Variants in ADGRV1 observed in about 807,000 individuals in gnomAD.
ADGRV1 encodes the protein adhesion G protein-coupled receptor V1, also known as G-protein coupled receptor 98.
ADGRV1 carries 359 observed loss-of-function variants against 596.2 expected under a neutral mutation model. The observed-to-expected ratio is 0.60, with a 90% CI of 0.55 to 0.66. The LOEUF is 0.66. Ranked by LOEUF, ADGRV1 falls within the 30% of genes least tolerant of loss-of-function variation. ADGRV1 has a pLI of 0.00. For synonymous variants in ADGRV1, 2,681 were observed against 2,679.2 expected (o/e 1.00, Z -0.02); for missense variants, 7,274 against 7,575.6 (o/e 0.96, Z 1.48).
At chr5:90,812,367 C>A (rs1762518588) in intron 74 of ADGRV1, among the ~76,000 whole-genome samples, 1 of 152,074 alleles carries the variant, frequency 6.6e-6, no homozygotes, top group Non-Finnish European at 1.5e-5. Flanking sequence ...TATAATTGTA[C>A]ATATTTAGAG....
chr5:90,824,596 C>T (rs563456821), intron 76 of ADGRV1, among the ~76,000 whole-genome samples: 1 of 152,194 alleles, frequency 6.6e-6, no homozygotes, highest in African/African-American at 2.4e-5. Context: ...AACTTTCTGT[C>T]ACACTGACAA....
chr5:90,652,397 C>G lies in ADGRV1; in HGVS notation c.3468C>G (p.Leu1156=). The G allele has an allele frequency of 1.2e-6, 2 of 1,610,986 alleles. No individual in the cohort carries two copies. Among genetic ancestry groups the G allele is most frequent in the East Asian group, 2.2e-5 (1 of 44,810 alleles). The change falls in exon 19 of 90, where the codon CTC becomes CTG. Residue 1156 remains leucine, a synonymous_variant. Transcript: ENST00000405460. ...YFGSVSVSWQ[L]FQNDSALQPG... is the part of the protein sequence containing the mutation. ...GTAGTGTTTCTGTATCTTGGCAGCT[C>G]TTTCAGAATGATTCTGCTTTGCAGC...
At chr5:91,012,809 A>G (rs79001624) in intron 85 of ADGRV1, among the ~76,000 whole-genome samples, 2,203 of 151,998 alleles carry the variant, frequency 0.014, 50 homozygotes, top group African/African-American at 0.051. Context: ...GGGTTGTTTT[A>G]CATATTATTT....
intron 85 of ADGRV1, among the ~76,000 whole-genome samples, chr5:91,070,582 A>G (rs1488073254): frequency 6.6e-6 from 1 of 152,170 alleles, no homozygotes. Context: ...GATATTGAGA[A>G]CCTGTTTAAC....
intron 83 of ADGRV1, among the ~76,000 whole-genome samples, chr5:90,938,621 G>A (rs2150848820): frequency 1.3e-5 from 2 of 152,200 alleles, no homozygotes; most frequent in Admixed American, 1.3e-4. Flanking sequence ...ATATTTTATT[G>A]AGCACCTATT....
chr5:90,929,615 G>A (rs548045737), intron 83 of ADGRV1: 17 of 153,660 alleles, frequency 1.1e-4, no homozygotes, highest in African/African-American at 3.8e-4. Flanking sequence ...GCTGGGAGCT[G>A]TAGACCGGAG....
intron 11 of ADGRV1, among the ~76,000 whole-genome samples, chr5:90,638,662 T>G (rs1269235201): frequency 1.3e-5 from 2 of 152,090 alleles, no homozygotes; most frequent in Admixed American, 1.3e-4. Flanking sequence ...TATATGAAAG[T>G]TGATTCATAT....
At chr5:90,622,318 C>T (rs540819912) in intron 4 of ADGRV1, among the ~76,000 whole-genome samples, 1 of 152,284 alleles carries the variant, frequency 6.6e-6, no homozygotes, top group East Asian at 1.9e-4. Flanking sequence ...ACTAAAAAAC[C>T]TTTAAATTCC....
intron 10 of ADGRV1, among the ~76,000 whole-genome samples, chr5:90,635,680 C>T (rs1486134144): frequency 6.6e-6 from 1 of 151,858 alleles, no homozygotes; most frequent in Non-Finnish European, 1.5e-5. Context: ...GCAACCTCTG[C>T]CCCGGGCTCA....
Position 91,004,771 on chromosome 5 carries a change from A to G in ADGRV1, c.18152+19249A>G, listed in dbSNP as rs966625649. ...CTGGGGCTTCAGGGGGAGAATGGCC[A>G]TGATGGTTAGGAGGATGTCATATGC... On this transcript the variant is annotated intron_variant, in intron 85 of 89. Transcript: ENST00000405460. 3.3e-5 allele frequency among the ~76,000 whole-genome samples: 5 copies of G among 152,344 alleles called. No homozygotes were observed. In the South Asian group the frequency reaches 6.2e-4, roughly 19 times the overall value.
chr5:90,628,339 GAAGT>G (rs1379885793), intron 7 of ADGRV1, among the ~76,000 whole-genome samples: 5 of 152,194 alleles, frequency 3.3e-5, no homozygotes, highest in Non-Finnish European at 7.3e-5. Flanking sequence ...CTGAGTCCAT[GAAGT>G]TGAAGTTGTA....
chr5:90,783,569 A>C (rs893219657), intron 66 of ADGRV1, among the ~76,000 whole-genome samples: 1 of 152,204 alleles, frequency 6.6e-6, no homozygotes, highest in South Asian at 2.1e-4. Context: ...TAAATAATCT[A>C]ATCAGAATGT....
intron 79 of ADGRV1, among the ~76,000 whole-genome samples, chr5:90,852,905 T>C (rs1766668921): frequency 6.6e-6 from 1 of 152,164 alleles, no homozygotes; most frequent in South Asian, 2.1e-4. Context: ...GGGCTTTAGC[T>C]CAGTGGGGGG....
At chr5:91,025,997 A>G (rs1371977664) in intron 85 of ADGRV1, among the ~76,000 whole-genome samples, 1 of 152,178 alleles carries the variant, frequency 6.6e-6, no homozygotes, top group African/African-American at 2.4e-5. Context: ...TTAAGTGCTT[A>G]CTACTCAGTG....
chr5:91,036,090 A>C (rs1271654536), intron 85 of ADGRV1, among the ~76,000 whole-genome samples: 1 of 129,304 alleles, frequency 7.7e-6, no homozygotes, highest in Non-Finnish European at 1.7e-5. Context: ...ATATACACTA[A>C]ATGAATTCAC....
rs1230326145 is a variant in ADGRV1, at chr5:91,051,787, T to A, written c.18153-20660T>A. ...TGGTCTTGATCTACTTAGGATATTTTTGACTTAAAATGGGGTTACATCCCA... is the reference window on the plus strand; with the variant it reads ...TGGTCTTGATCTACTTAGGATATTTATGACTTAAAATGGGGTTACATCCCA... On this transcript the variant is annotated intron_variant, in intron 85 of 89. Transcript: ENST00000405460. 2.0e-5 allele frequency among the ~76,000 whole-genome samples: 3 copies of A among 152,138 alleles called. No individual in the cohort carries two copies. The East Asian group carries it at 5.8e-4, about 29-fold the overall frequency.
intron 89 of ADGRV1, among the ~76,000 whole-genome samples, chr5:91,158,896 G>C (rs970418609): frequency 7.3e-5 from 11 of 151,258 alleles, no homozygotes; most frequent in Non-Finnish European, 1.6e-4. Context: ...TGGATGGATG[G>C]ATGGATAGAT....
At chr5:90,828,288 C>T (rs1472654864) in intron 76 of ADGRV1, among the ~76,000 whole-genome samples, 1 of 151,890 alleles carries the variant, frequency 6.6e-6, no homozygotes, top group Non-Finnish European at 1.5e-5. Flanking sequence ...TTATTTAAAA[C>T]ACTTTAAAAA....
intron 83 of ADGRV1, among the ~76,000 whole-genome samples, chr5:90,904,117 A>T (rs905177627): frequency 6.6e-6 from 1 of 151,924 alleles, no homozygotes; most frequent in Non-Finnish European, 1.5e-5. Context: ...GCTGAATAGT[A>T]CTCCATTGTG....
Sources: allele counts gnomAD v4.1 joint callset (sites outside exome capture counted in the v4.1 genomes callset), GRCh38; gene constraint gnomAD v4.1.1; transcripts MANE v1.5; gene names NCBI Gene and HGNC (gene_info 2026-07-23, HGNC 2026-07-21).